Variants in ERG observed in about 807,000 individuals in gnomAD.
ERG encodes the protein transcriptional regulator ERG.
In ERG, 9 loss-of-function variants were observed where a neutral mutation model predicts 55.3. The ratio of observed to expected loss-of-function variants is 0.16; its 90% CI spans 0.10 to 0.28. The LOEUF (loss-of-function observed/expected upper bound fraction) is 0.28, where lower values mean the gene tolerates loss of function less well. Among genes scored for constraint, ERG ranks in the 10% least tolerant of loss-of-function variants. The probability of loss-of-function intolerance (pLI) is 1.00; values close to 1 mark genes in which losing one functional copy is unlikely to be tolerated. For synonymous variants in ERG, 223 were observed against 237.3 expected, an observed-to-expected ratio of 0.94 and a Z score of 0.55; for missense variants, 434 against 631.6, an observed-to-expected ratio of 0.69 and a Z score of 3.35.
intron 5 of ERG, among the ~76,000 whole-genome samples, chr21:38,401,122 C>T (rs1350596032): frequency 1.3e-5 from 2 of 151,838 alleles, no homozygotes; most frequent in Non-Finnish European, 2.9e-5. Context: ...ATGCATTTTC[C>T]CTCTCTCTCT....
intron 1 of ERG, chr21:38,660,693 G>A (rs1451974751): frequency 1.3e-5 from 2 of 151,958 alleles, no homozygotes; most frequent in Non-Finnish European, 2.9e-5. Context: ...CGGGTTCAGG[G>A]AGGCTCCGGC....
At chr21:38,582,965 A>T (rs2060039422) in intron 1 of ERG, among the ~76,000 whole-genome samples, 1 of 152,230 alleles carries the variant, frequency 6.6e-6, no homozygotes, top group African/African-American at 2.4e-5. Context: ...ATAAATTGCT[A>T]ATTTTCATAA....
the ERG span, among the ~76,000 whole-genome samples, chr21:38,371,393 C>A: frequency 1.2e-4 from 18 of 151,810 alleles, no homozygotes; most frequent in Non-Finnish European, 5.9e-5. Flanking sequence ...TTTTTCCTTA[C>A]CATAGTATTC....
At chr21:38,515,193 A>G (rs1157866825) in intron 2 of ERG, among the ~76,000 whole-genome samples, 6 of 151,998 alleles carry the variant, frequency 3.9e-5, no homozygotes. Flanking sequence ...ATATTTCAAC[A>G]AAGTTTTTGT....
chr21:38,409,339 C>T (rs955482617), intron 3 of ERG, among the ~76,000 whole-genome samples: 3 of 151,940 alleles, frequency 2.0e-5, no homozygotes, highest in South Asian at 2.1e-4. Context: ...CAAAATTAGC[C>T]GGGTGTGGTG....
intron 1 of ERG, among the ~76,000 whole-genome samples, chr21:38,624,687 C>T (rs1282997595): frequency 6.6e-6 from 1 of 152,134 alleles, no homozygotes; most frequent in African/African-American, 2.4e-5. Context: ...GACACTTAAC[C>T]TTCCTGTATC....
intron 2 of ERG, among the ~76,000 whole-genome samples, chr21:38,554,290 A>C (rs2059844177): frequency 6.6e-6 from 1 of 152,248 alleles, no homozygotes; most frequent in Non-Finnish European, 1.5e-5. Flanking sequence ...CAAAGAACTT[A>C]AAATAGAACT....
At position 38,382,166 on chromosome 21, in the gene ERG, G is replaced by C; in HGVS notation, c.*1237C>G. ...TTATATCGATTGTCTCTTTTGTCGTGTGTCTTTGGCTGGCCGAGATCAACT... is the reference window on the plus strand; with the variant it reads ...TTATATCGATTGTCTCTTTTGTCGTCTGTCTTTGGCTGGCCGAGATCAACT... On this transcript the variant is annotated 3_prime_UTR_variant, in exon 10 of 10. Coordinates refer to ENST00000288319, the MANE Select transcript of ERG (RefSeq NM_182918.4). The C allele has an allele frequency of 9.5e-7, 1 of 1,049,590 alleles. No homozygotes were observed. Among genetic ancestry groups the C allele is most frequent in the Non-Finnish European group, 1.1e-6 (1 of 869,772 alleles). 65.0% of individuals were successfully genotyped at this position (1,049,590 alleles called of 1,614,324 possible).
intron 2 of ERG, among the ~76,000 whole-genome samples, chr21:38,526,614 C>T (rs1442468775): frequency 6.6e-6 from 1 of 151,956 alleles, no homozygotes; most frequent in Non-Finnish European, 1.5e-5. Flanking sequence ...TATATAAATG[C>T]ACATAATTTA....
intron 3 of ERG, among the ~76,000 whole-genome samples, chr21:38,415,295 T>A (rs1989228379): frequency 6.6e-6 from 1 of 152,062 alleles, no homozygotes; most frequent in Non-Finnish European, 1.5e-5. Flanking sequence ...ATGATTTAAA[T>A]GAGATAATGC....
chr21:38,503,321 G>A (rs1220908013), upstream of ERG, among the ~76,000 whole-genome samples: 1 of 151,522 alleles, frequency 6.6e-6, no homozygotes, highest in Non-Finnish European at 1.5e-5. Context: ...CTTTTAGCAT[G>A]CCCAAATGCC....
At chr21:38,622,909 C>T (rs1377272008) in intron 1 of ERG, among the ~76,000 whole-genome samples, 1 of 148,126 alleles carries the variant, frequency 6.8e-6, no homozygotes, top group Admixed American at 6.8e-5. Flanking sequence ...CATACATACA[C>T]CACATGCTCA....
At chr21:38,653,243 G>A (rs1002165020) in intron 1 of ERG, among the ~76,000 whole-genome samples, 2 of 152,180 alleles carry the variant, frequency 1.3e-5, no homozygotes, top group African/African-American at 4.8e-5. Flanking sequence ...CTTGCATGAA[G>A]TCTTACACAG....
intron 2 of ERG, among the ~76,000 whole-genome samples, chr21:38,543,959 C>T (rs1031296376): frequency 6.6e-6 from 1 of 152,030 alleles, no homozygotes; most frequent in African/African-American, 2.4e-5. Flanking sequence ...CTGGTCGTCT[C>T]AAACTTCTGA....
intron 1 of ERG, among the ~76,000 whole-genome samples, chr21:38,478,602 T>C (rs1383437165): frequency 6.6e-6 from 1 of 152,216 alleles, no homozygotes; most frequent in Admixed American, 6.5e-5. Context: ...TAAATCTTCT[T>C]TCCCAAGACA....
chr21:38,620,271 G>A (rs1004719330), intron 1 of ERG, among the ~76,000 whole-genome samples: 2 of 152,088 alleles, frequency 1.3e-5, no homozygotes, highest in African/African-American at 2.4e-5. Flanking sequence ...GGGATGAAGA[G>A]GTTATGCAAC....
intron 1 of ERG, among the ~76,000 whole-genome samples, chr21:38,652,739 C>A (rs1305109793): frequency 1.3e-5 from 2 of 152,228 alleles, no homozygotes; most frequent in South Asian, 2.1e-4. Context: ...CTACAGCAAA[C>A]CCAGTGTATT....
intron 2 of ERG, among the ~76,000 whole-genome samples, chr21:38,522,180 A>C (rs2059599793): frequency 6.6e-6 from 1 of 152,172 alleles, no homozygotes; most frequent in Non-Finnish European, 1.5e-5. Context: ...TGCTTTTAAG[A>C]AATGCTGTAA....
chr21:38,486,441 G>A (rs1047859617), intron 1 of ERG, among the ~76,000 whole-genome samples: 21 of 152,138 alleles, frequency 1.4e-4, no homozygotes, highest in Admixed American at 5.9e-4. Flanking sequence ...ATGTTTGCAC[G>A]ATGAAATCAT....
Sources: allele counts gnomAD v4.1 joint callset (sites outside exome capture counted in the v4.1 genomes callset), GRCh38; gene constraint gnomAD v4.1.1; transcripts MANE v1.5; gene names NCBI Gene and HGNC (gene_info 2026-07-23, HGNC 2026-07-21).